Variants in GASK1B observed in about 807,000 individuals in gnomAD.
GASK1B encodes the protein golgi associated kinase 1B.
In GASK1B, 34 loss-of-function variants were observed where a neutral mutation model predicts 42.8. The observed-to-expected ratio is 0.79, with a 90% CI of 0.60 to 1.06. GASK1B has a LOEUF of 1.06. Ranked by LOEUF, GASK1B falls within the 50% of genes least tolerant of loss-of-function variation. The pLI is 0.00. For synonymous variants in GASK1B, 262 were observed against 259.1 expected, an observed-to-expected ratio of 1.01 and a Z score of -0.11; for missense variants, 686 against 661.0, an observed-to-expected ratio of 1.04 and a Z score of -0.42.
rs1242743328 is a variant in GASK1B at position 158,171,220 on chromosome 4, C to T, written c.156G>A (p.Val52=). The T allele has an allele frequency of 6.2e-7, 1 of 1,613,910 alleles. No individual in the cohort carries two copies. Among genetic ancestry groups the T allele is most frequent in the Non-Finnish European group, 8.5e-7 (1 of 1,180,002 alleles). Residue 52 remains valine, a synonymous_variant, in exon 2 of 5, where the codon GTG becomes GTA. Coordinates refer to ENST00000585682, the MANE Select transcript of GASK1B (RefSeq NM_001128424.2). ...TACAIYLGFL[V]SQVGRASLQH... ...GGAGAGAGGCCCTCCCCACCTGGCT[C>T]ACCAGGAAGCCCAAGTAGATGGCAC...
intron 3 of GASK1B, among the ~76,000 whole-genome samples, chr4:158,151,233 T>C (rs778456779): frequency 1.8e-4 from 28 of 152,220 alleles, no homozygotes; most frequent in Non-Finnish European, 1.5e-5. Flanking sequence ...CACACAATTA[T>C]GTAGATGATC....
intron 3 of GASK1B, among the ~76,000 whole-genome samples, chr4:158,148,149 G>A (rs1731403731): frequency 6.6e-6 from 1 of 152,164 alleles, no homozygotes; most frequent in South Asian, 2.1e-4. Context: ...AAGAGTCTGA[G>A]GTTGCAGTGA....
chr4:158,155,880 T>A, intron 2 of GASK1B, 55 bp from the exon 3 acceptor site: 1 of 1,494,184 alleles, frequency 6.7e-7, no homozygotes, highest in South Asian at 1.2e-5. Context: ...TCAGGGTGTG[T>A]CTTTGAGCAG....
intron 3 of GASK1B, among the ~76,000 whole-genome samples, chr4:158,139,113 A>G (rs2110948681): frequency 6.6e-6 from 1 of 152,334 alleles, no homozygotes; most frequent in African/African-American, 2.4e-5. Context: ...GAGGATAGCA[A>G]CCTGCCTAAG....
chr4:158,152,691 CA>C (rs1341816782), intron 3 of GASK1B, among the ~76,000 whole-genome samples: 1 of 152,114 alleles, frequency 6.6e-6, no homozygotes, highest in African/African-American at 2.4e-5. Context: ...GATGGTTTAA[CA>C]TATGCAAGCA....
chr4:158,166,734 A>G (rs988752743), intron 2 of GASK1B, among the ~76,000 whole-genome samples: 1 of 152,142 alleles, frequency 6.6e-6, no homozygotes, highest in Non-Finnish European at 1.5e-5. Context: ...GAAAAAAAGG[A>G]GGTTCCCATG....
intron 3 of GASK1B, among the ~76,000 whole-genome samples, chr4:158,154,394 C>T (rs111903302): frequency 7.8e-4 from 119 of 152,272 alleles, no homozygotes; most frequent in African/African-American, 2.6e-3. Context: ...AAAGGGAACA[C>T]TTTTGCACTG....
rs1274948080 is a variant in GASK1B, at chr4:158,126,343, A to T, written c.*1064T>A. The T allele has an allele frequency of 6.6e-6, 1 of 152,136 alleles. No individual in the cohort carries two copies. The highest frequency in any genetic ancestry group is 2.4e-5 in the African/African-American group (1 of 41,462). 9.4% of individuals were successfully genotyped at this position (152,136 alleles called of 1,614,324 possible). On this transcript the variant is annotated 3_prime_UTR_variant, in exon 5 of 5. Transcript: ENST00000585682. The stretch of plus-strand genomic sequence containing the variant: ...TGTCCAAATTTACTGTTTTAGTTCT[A>T]GTCATGAGGAAAATTGATCAGACGC...
intron 3 of GASK1B, among the ~76,000 whole-genome samples, chr4:158,151,171 T>C (rs952726163): frequency 5.9e-5 from 9 of 152,176 alleles, no homozygotes; most frequent in African/African-American, 2.2e-4. Flanking sequence ...TCCTGAGATA[T>C]TTATCAAAGG....
At chr4:158,129,187 T>C (rs1239173335) in intron 4 of GASK1B, among the ~76,000 whole-genome samples, 2 of 152,204 alleles carry the variant, frequency 1.3e-5, no homozygotes, top group African/African-American at 2.4e-5. Context: ...TGCATTTAAA[T>C]GTAAATCTTC....
Position 158,170,965 on chromosome 4 carries a change from C to T in GASK1B, c.411G>A (p.Ser137=), listed in dbSNP as rs199542058. ...CCAAAGCCTCCTGCCCTGGGGCAGC[C>T]GATGCCACTGCATGCTTTTTCCTGC... The part of the protein sequence containing the change: ...PKRRKKHAVA[S]AAPGQEALVG... The change falls in exon 2 of 5, where the codon TCG becomes TCA. Residue 137 remains serine, a synonymous_variant. Transcript: ENST00000585682. 9 of 1,614,114 alleles carry T rather than the reference C, an allele frequency of 5.6e-6. No individual in the cohort carries two copies. The highest frequency in any genetic ancestry group is 1.6e-4 in the Middle Eastern group (1 of 6,084).
intron 2 of GASK1B, among the ~76,000 whole-genome samples, chr4:158,167,696 C>G (rs1454689835): frequency 1.3e-5 from 2 of 152,018 alleles, no homozygotes; most frequent in African/African-American, 4.8e-5. Flanking sequence ...TGGGAAGGAA[C>G]AGATGATTAA....
intron 2 of GASK1B, chr4:158,159,685 G>A (rs1579042337): frequency 4.9e-6 from 1 of 203,356 alleles, no homozygotes; most frequent in Non-Finnish European, 1.1e-5. Flanking sequence ...GTGAATTAAA[G>A]GTTATATAGC....
chr4:158,144,457 C>T (rs1320483860), intron 3 of GASK1B, among the ~76,000 whole-genome samples: 1 of 152,070 alleles, frequency 6.6e-6, no homozygotes, highest in Admixed American at 6.6e-5. Flanking sequence ...CTATAATAAC[C>T]ACAATACTGT....
intron 2 of GASK1B, among the ~76,000 whole-genome samples, chr4:158,162,243 A>C (rs1489751667): frequency 6.6e-6 from 1 of 152,104 alleles, no homozygotes; most frequent in Non-Finnish European, 1.5e-5. Flanking sequence ...GCCTCCTAAA[A>C]ATATCTCCAT....
intron 3 of GASK1B, 109 bp from the exon 4 acceptor site, chr4:158,131,121 T>A: frequency 1.2e-6 from 1 of 858,562 alleles, no homozygotes; most frequent in Non-Finnish European, 1.8e-6. Context: ...TGCCAGAATC[T>A]AAGAGGGCCA....
chr4:158,155,609 A>G lies in GASK1B; in HGVS notation c.1125+2T>C, dbSNP rs1352504551. On this transcript the variant is annotated splice_donor_variant, in intron 3 of 4. Coordinates refer to ENST00000585682, the MANE Select transcript of GASK1B (RefSeq NM_001128424.2). LOFTEE classifies it high-confidence loss of function. The stretch of plus-strand genomic sequence containing the variant: ...ACTATTTGCTTGATTTGATAAACTT[A>G]CCTGTAACAAAAAATCAAAGAGTGC... The G allele has an allele frequency of 1.2e-6, 2 of 1,612,046 alleles. No individual in the cohort carries two copies. The highest frequency in any genetic ancestry group is 3.3e-5 in the Admixed American group (2 of 59,892).
chr4:158,162,288 T>C (rs1732049752), intron 2 of GASK1B, among the ~76,000 whole-genome samples: 1 of 152,162 alleles, frequency 6.6e-6, no homozygotes, highest in Admixed American at 6.5e-5. Context: ...GTAAGGTAGG[T>C]TTGCTTCACT....
chr4:158,137,583 G>C (rs1328830480), intron 3 of GASK1B, among the ~76,000 whole-genome samples: 1 of 152,120 alleles, frequency 6.6e-6, no homozygotes, highest in East Asian at 1.9e-4. Flanking sequence ...GCCCCATGTA[G>C]TCTAATGAGT....
Sources: allele counts gnomAD v4.1 joint callset (sites outside exome capture counted in the v4.1 genomes callset), GRCh38; gene constraint gnomAD v4.1.1; transcripts MANE v1.5; gene names NCBI Gene and HGNC (gene_info 2026-07-23, HGNC 2026-07-21).